The following ANKAR variants were observed in gnomAD, a reference collection of about 807,000 sequenced individuals.
ANKAR encodes ankyrin and armadillo repeat-containing protein.
ANKAR carries 136 observed loss-of-function variants against 146.2 expected under a neutral mutation model. The observed-to-expected ratio is 0.93, with a 90% CI of 0.81 to 1.07. ANKAR has a LOEUF of 1.07. ANKAR is among the 50% of genes least tolerant of loss of function. The pLI is 0.00. For synonymous variants in ANKAR, 500 were observed against 575.8 expected, an observed-to-expected ratio of 0.87 and a Z score of 1.88; for missense variants, 1,567 against 1,679.9, an observed-to-expected ratio of 0.93 and a Z score of 1.18.
In ANKAR at chr2:189,693,088, A is replaced by G; in HGVS notation, c.1218A>G (p.Lys406=). The change falls in exon 5 of 23, where the codon AAA becomes AAG. Residue 406 remains lysine (K), a synonymous_variant. Coordinates refer to ENST00000684021, the MANE Select transcript of ANKAR (RefSeq NM_001378068.1). ...TCATATTTTAGAAAAATTTAGAAAA[A>G]ATACGAGATTGTGCTGCTAATACAT... ...ALEDFQKNLE[K]IRDCAANTFI... is the part of the protein sequence containing the mutation. The G allele has an allele frequency of 6.6e-7, 1 of 1,519,734 alleles. No individual in the cohort carries two copies. The allele number at this position is 1,519,734 out of a possible 1,614,324, so 94.1% of individuals were successfully genotyped here.
chr2:189,677,702 G>C (rs1404971859), intron 2 of ANKAR, among the ~76,000 whole-genome samples: 1 of 149,764 alleles, frequency 6.7e-6, no homozygotes, highest in African/African-American at 2.5e-5. Context: ...TTGGAGATGG[G>C]GTCTCCCTGT....
chr2:189,733,371 TA>T, intron 17 of ANKAR, 142 bp downstream of exon 17: 1 of 670,552 alleles, frequency 1.5e-6, no homozygotes, highest in Non-Finnish European at 2.3e-6. Flanking sequence ...TGTAGGTCAT[TA>T]GTTTGTAATG....
chr2:189,728,661 A>G lies in ANKAR; in HGVS notation c.3033A>G (p.Gly1011=), dbSNP rs759532975. The G allele has an allele frequency of 1.9e-5, 31 of 1,613,172 alleles. No homozygotes were observed. Among genetic ancestry groups the G allele is most frequent in the Non-Finnish European group, 2.6e-5 (31 of 1,179,602 alleles). ...ATGTATCTTGCTTTTCTTTATCAGG[A>G]GGTGAAGCTGTCATAGCTCTAAGTA... is the stretch of plus-strand genomic sequence containing the variant. ...LSPSAKMQYV[G]GEAVIALSKD... The change falls in exon 15 of 23, where the codon GGA becomes GGG. Residue 1011 remains glycine, a splice_region_variant and synonymous_variant. Transcript: ENST00000684021.
chr2:189,732,354 T>G (rs924204246), intron 16 of ANKAR, among the ~76,000 whole-genome samples: 8 of 151,914 alleles, frequency 5.3e-5, no homozygotes, highest in Non-Finnish European at 1.2e-4. Flanking sequence ...CTCCCCAAAG[T>G]TTTGCTTAAA....
intron 10 of ANKAR, among the ~76,000 whole-genome samples, chr2:189,714,742 G>A (rs1167714704): frequency 6.6e-6 from 1 of 151,798 alleles, no homozygotes; most frequent in African/African-American, 2.4e-5. Flanking sequence ...GTCAGGAGAT[G>A]GAGACAATCC....
chr2:189,704,544 CATATATATATAT>C (rs10578902), intron 7 of ANKAR, among the ~76,000 whole-genome samples: 1,205 of 36,350 alleles, frequency 0.033, 13 homozygotes, highest in Non-Finnish European at 0.04. Context: ...CCTTTGTTAA[CATATATATATAT>C]ATATATATAT....
In ANKAR at chr2:189,693,083, GA is replaced by G. The variant is rs752452891; in HGVS notation, c.1219del (p.Ile407TyrfsTer10). The G allele has an allele frequency of 7.3e-6, 11 of 1,503,590 alleles. No homozygotes were observed. Among genetic ancestry groups the G allele is most frequent in the African/African-American group, 1.4e-5 (1 of 70,242 alleles). 93.1% of individuals were successfully genotyped at this position (1,503,590 alleles called of 1,614,324 possible). A position where few individuals can be genotyped will look rare whatever the true frequency, so the allele number is the denominator to read the frequency against. On this transcript the variant is annotated frameshift_variant, in exon 5 of 23. Transcript: ENST00000684021. LOFTEE classifies it high-confidence loss of function. The part of the protein sequence containing the change: ...NALEDFQKNL[E>X]KIRDCAANTF... ...ATAACTCATATTTTAGAAAAATTTA[GA>G]AAAAATACGAGATTGTGCTGCTAAT...
intron 16 of ANKAR, among the ~76,000 whole-genome samples, chr2:189,732,353 G>A (rs901411532): frequency 6.6e-6 from 1 of 151,990 alleles, no homozygotes; most frequent in Non-Finnish European, 1.5e-5. Context: ...ACTCCCCAAA[G>A]TTTTGCTTAA....
At chr2:189,757,969 T>G (rs1412498747) in intron 18 of ANKAR, among the ~76,000 whole-genome samples, 1 of 152,246 alleles carries the variant, frequency 6.6e-6, no homozygotes, top group African/African-American at 2.4e-5. Context: ...AAATCTCATG[T>G]AGAATGGTAA....
chr2:189,710,879 C>G (rs776695884), intron 9 of ANKAR, among the ~76,000 whole-genome samples, 170 bp from the exon 10 acceptor site: 1 of 152,150 alleles, frequency 6.6e-6, no homozygotes, highest in Non-Finnish European at 1.5e-5. Flanking sequence ...TGGAATTTGT[C>G]AGTACTTCAT....
chr2:189,732,045 C>T (rs1030057615), intron 16 of ANKAR, among the ~76,000 whole-genome samples: 3 of 152,238 alleles, frequency 2.0e-5, no homozygotes, highest in African/African-American at 7.2e-5. Flanking sequence ...ATGTATCCAT[C>T]TATATTTCAG....
chr2:189,693,600 G>C (rs1210408050), intron 5 of ANKAR, among the ~76,000 whole-genome samples: 2 of 152,134 alleles, frequency 1.3e-5, no homozygotes, highest in African/African-American at 4.8e-5. Flanking sequence ...TTTGCTTGTT[G>C]GTTCGTTTGT....
chr2:189,683,141 C>G (rs2105759715), intron 2 of ANKAR, among the ~76,000 whole-genome samples: 1 of 152,278 alleles, frequency 6.6e-6, no homozygotes. Flanking sequence ...TCATCAGACA[C>G]CACATCTAAC....
At chr2:189,746,264 T>C in intron 22 of ANKAR, 116 bp from the exon 23 acceptor site, 1 of 1,243,446 alleles carries the variant, frequency 8.0e-7, no homozygotes, top group South Asian at 1.7e-5. Context: ...GAAGTACTGA[T>C]CTGTTCTCTT....
At chr2:189,698,767 C>T (rs1483715259) in intron 7 of ANKAR, among the ~76,000 whole-genome samples, 1 of 152,168 alleles carries the variant, frequency 6.6e-6, no homozygotes, top group East Asian at 1.9e-4. Flanking sequence ...CCTGCCAGAG[C>T]TATCCATTGG....
At chr2:189,757,658 T>C (rs944418572) in intron 18 of ANKAR, among the ~76,000 whole-genome samples, 4 of 152,238 alleles carry the variant, frequency 2.6e-5, no homozygotes, top group Non-Finnish European at 4.4e-5. Flanking sequence ...GCCTAGTAAA[T>C]GGCTGAACCA....
chr2:189,755,479 G>A, intron 18 of ANKAR: 1 of 1,600,868 alleles, frequency 6.2e-7, no homozygotes, highest in Non-Finnish European at 8.5e-7. Context: ...AGACTCCACT[G>A]GCAGAAAGAG....
At position 189,720,601 on chromosome 2, in the gene ANKAR, T is replaced by A; in HGVS notation, c.2467-18T>A. On this transcript the variant is annotated intron_variant, in intron 11 of 22. Transcript: ENST00000684021. ...ATCTTAAACAAATTCAAATGTAATT[T>A]TTTTTGTTTATTTTTAGAATGGAAT... The A allele has an allele frequency of 1.5e-6, 2 of 1,316,566 alleles. No individual in the cohort carries two copies. Among genetic ancestry groups the A allele is most frequent in the Non-Finnish European group, 2.0e-6 (2 of 1,013,390 alleles). The allele number at this position is 1,316,566 out of a possible 1,614,324, so 81.6% of individuals were successfully genotyped here.
rs61021919 is a variant in ANKAR, at chr2:189,683,022, T to A, written c.601+5931T>A. On this transcript the variant is annotated intron_variant, in intron 2 of 22. Transcript: ENST00000684021. ...TTAGTTCATAAAGGCAGACCCCTCA[T>A]GAATGGGATTAATGCCCTTATAAAA... Among the ~76,000 whole-genome samples, 304 of 152,292 alleles carry A rather than the reference T, an allele frequency of 2.0e-3. 3 individuals carry two copies. Among genetic ancestry groups the A allele is most frequent in the African/African-American group, 6.8e-3 (281 of 41,582 alleles).
Sources: allele counts gnomAD v4.1 joint callset (sites outside exome capture counted in the v4.1 genomes callset), GRCh38; gene constraint gnomAD v4.1.1; transcripts MANE v1.5; gene names NCBI Gene and HGNC (gene_info 2026-07-23, HGNC 2026-07-21).